Variants in NR6A1 observed in about 807,000 individuals in gnomAD.
The protein encoded by NR6A1 is nuclear receptor subfamily 6 group A member 1.
Under a neutral mutation model 59.1 loss-of-function variants are expected in NR6A1, and 7 were observed. The observed-to-expected ratio is 0.12, with a 90% confidence interval of 0.07 to 0.22. The LOEUF (loss-of-function observed/expected upper bound fraction) is 0.22. Ranked by LOEUF, NR6A1 falls within the 10% of genes least tolerant of loss-of-function variation. NR6A1 has a pLI of 1.00. For synonymous variants in NR6A1, 243 were observed against 236.1 expected (o/e 1.03, Z -0.27); for missense variants, 468 against 611.6 (o/e 0.77, Z 2.48).
intron 1 of NR6A1, among the ~76,000 whole-genome samples, chr9:124,752,873 A>G (rs1647378441): frequency 6.6e-6 from 1 of 152,076 alleles, no homozygotes; most frequent in African/African-American, 2.4e-5. Context: ...CTCTGGAGTT[A>G]GCTGAATTCT....
chr9:124,681,467 G>A (rs1199633138), intron 2 of NR6A1, among the ~76,000 whole-genome samples: 4 of 149,642 alleles, frequency 2.7e-5, no homozygotes, highest in Non-Finnish European at 5.9e-5. Context: ...TCAGCCTCCT[G>A]AGTAGCTGGG....
At chr9:124,684,898 C>T (rs1274112579) in intron 2 of NR6A1, among the ~76,000 whole-genome samples, 1 of 152,010 alleles carries the variant, frequency 6.6e-6, no homozygotes, top group Non-Finnish European at 1.5e-5. Flanking sequence ...GTTTTGGGTG[C>T]ATCCCTGAGG....
rs117804976 is a variant in NR6A1 at position 124,750,973 on chromosome 9, A to G, written c.101-17624T>C. 2.0e-3 allele frequency among the ~76,000 whole-genome samples: 309 copies of G among 152,274 alleles called. 6 individuals carry two copies. In the East Asian group the frequency reaches 0.055, roughly 27 times the overall value. On this transcript the variant is annotated intron_variant, in intron 1 of 9. Transcript: ENST00000487099. ...CCCTTTGTATCCTCTACCAGAAGCT[A>G]GTGCTCAGATTCCAAGAGTGTAAGC...
At chr9:124,592,956 A>G (rs929457992) in intron 2 of NR6A1, among the ~76,000 whole-genome samples, 2 of 152,262 alleles carry the variant, frequency 1.3e-5, no homozygotes, top group African/African-American at 2.4e-5. Flanking sequence ...GGAAAAGGAT[A>G]CAGTAAAACA....
At chr9:124,767,513 G>GAAAAAAAAAAAAAAAAAAAAAAAA (rs951834728) in intron 1 of NR6A1, among the ~76,000 whole-genome samples, 1 of 76,458 alleles carries the variant, frequency 1.3e-5, no homozygotes. Flanking sequence ...TACAAAAAAA[G>GAAAAAAAAAAAAAAAAAAAAAAAA]AAAAAAAAAA....
At chr9:124,737,107 T>G (rs931271768) in intron 1 of NR6A1, among the ~76,000 whole-genome samples, 1 of 152,184 alleles carries the variant, frequency 6.6e-6, no homozygotes, top group Admixed American at 6.5e-5. Context: ...TTTTACATTT[T>G]CAGCCTGTAA....
At chr9:124,667,389 A>T (rs938258042) in intron 2 of NR6A1, among the ~76,000 whole-genome samples, 2 of 152,084 alleles carry the variant, frequency 1.3e-5, no homozygotes, top group Admixed American at 6.6e-5. Context: ...ATATAGTTTT[A>T]AAAAATAACA....
intron 2 of NR6A1, among the ~76,000 whole-genome samples, chr9:124,592,075 G>C (rs1168587079): frequency 6.6e-6 from 1 of 152,114 alleles, no homozygotes; most frequent in Non-Finnish European, 1.5e-5. Flanking sequence ...GAGATTGTTT[G>C]GTTGCCATAT....
At chr9:124,586,803 A>T (rs1834950846) in intron 2 of NR6A1, among the ~76,000 whole-genome samples, 1 of 152,182 alleles carries the variant, frequency 6.6e-6, no homozygotes, top group African/African-American at 2.4e-5. Flanking sequence ...GCAAAGAAAG[A>T]GGTTTCTTTG....
At chr9:124,746,382 A>G (rs1840334946) in intron 1 of NR6A1, among the ~76,000 whole-genome samples, 1 of 152,200 alleles carries the variant, frequency 6.6e-6, no homozygotes, top group Non-Finnish European at 1.5e-5. Context: ...TGAGGTCAGG[A>G]GTTCAAGACC....
intron 2 of NR6A1, among the ~76,000 whole-genome samples, chr9:124,685,800 A>G (rs904839463): frequency 6.6e-6 from 1 of 152,218 alleles, no homozygotes; most frequent in Non-Finnish European, 1.5e-5. Flanking sequence ...AAACATCGGC[A>G]TTGTCAATTT....
At chr9:124,679,974 T>C (rs1309744365) in intron 2 of NR6A1, among the ~76,000 whole-genome samples, 1 of 151,938 alleles carries the variant, frequency 6.6e-6, no homozygotes, top group Non-Finnish European at 1.5e-5. Context: ...CTATTGCAAC[T>C]TCCAAAACAG....
intron 2 of NR6A1, among the ~76,000 whole-genome samples, chr9:124,713,917 C>CT (rs1430027737): frequency 2.0e-5 from 3 of 152,144 alleles, no homozygotes; most frequent in Admixed American, 6.5e-5. Context: ...AAAGTAGGGA[C>CT]TTGAAGAGAG....
At chr9:124,562,662 T>A (rs900979295) in intron 2 of NR6A1, among the ~76,000 whole-genome samples, 5 of 152,180 alleles carry the variant, frequency 3.3e-5, no homozygotes, top group African/African-American at 4.8e-5. Flanking sequence ...TTAAATTGCA[T>A]TTCTTAAACT....
At chr9:124,619,018 G>C (rs1480732331) in intron 2 of NR6A1, among the ~76,000 whole-genome samples, 1 of 152,110 alleles carries the variant, frequency 6.6e-6, no homozygotes, top group Admixed American at 6.6e-5. Flanking sequence ...CGCTACAAAA[G>C]TAATGCCATA....
intron 2 of NR6A1, among the ~76,000 whole-genome samples, chr9:124,700,950 G>A (rs918430875): frequency 2.0e-5 from 3 of 151,872 alleles, no homozygotes; most frequent in African/African-American, 7.3e-5. Context: ...TAGTAGAGAA[G>A]GGGTTTCTCC....
chr9:124,592,755 A>C (rs1369898210), intron 2 of NR6A1, among the ~76,000 whole-genome samples: 1 of 152,182 alleles, frequency 6.6e-6, no homozygotes, highest in Non-Finnish European at 1.5e-5. Context: ...TATTCCTGGA[A>C]GATTTCAAGT....
At chr9:124,700,116 C>G (rs1838891200) in intron 2 of NR6A1, among the ~76,000 whole-genome samples, 1 of 152,120 alleles carries the variant, frequency 6.6e-6, no homozygotes, top group African/African-American at 2.4e-5. Flanking sequence ...TCCCAAAGTG[C>G]TAGGATTACA....
intron 2 of NR6A1, among the ~76,000 whole-genome samples, chr9:124,593,308 CAT>C (rs929401878): frequency 1.3e-5 from 2 of 152,276 alleles, no homozygotes; most frequent in African/African-American, 2.4e-5. Context: ...GGATTTCGCA[CAT>C]GTGTTACTCA....
Sources: gnomAD v4.1 joint callset for allele counts (sites outside exome capture counted in the v4.1 genomes callset) on GRCh38, gnomAD v4.1.1 for gene constraint, MANE v1.5 for transcripts, NCBI Gene and HGNC (gene_info 2026-07-23, HGNC 2026-07-21) for gene names.